GNG12: variants seen among roughly 807,000 people sequenced by gnomAD.
GNG12 encodes the protein guanine nucleotide-binding protein G(I)/G(S)/G(O) subunit gamma-12.
For missense variants in GNG12, 69 were observed against 83.8 expected (o/e 0.82, Z 0.69); for synonymous variants, 28 against 29.7 (o/e 0.94, Z 0.19).
chr1:67,729,917 A>G (rs909416027), intron 2 of GNG12, among the ~76,000 whole-genome samples: 7 of 152,164 alleles, frequency 4.6e-5, no homozygotes, highest in South Asian at 4.1e-4. Context: ...AAAATCAACA[A>G]CTGGTTGGTG....
At chr1:67,825,941 A>G (rs558675850) in intron 1 of GNG12, among the ~76,000 whole-genome samples, 1 of 152,364 alleles carries the variant, frequency 6.6e-6, no homozygotes, top group East Asian at 1.9e-4. Flanking sequence ...TGAATTGAAG[A>G]GAAAGAAACT....
chr1:67,749,934 G>A (rs1307127415), intron 2 of GNG12, among the ~76,000 whole-genome samples: 1 of 152,142 alleles, frequency 6.6e-6, no homozygotes, highest in African/African-American at 2.4e-5. Flanking sequence ...CCCATCTACA[G>A]ACTCTCCCAG....
At chr1:67,784,362 T>C (rs1438969137) in intron 1 of GNG12, among the ~76,000 whole-genome samples, 1 of 149,496 alleles carries the variant, frequency 6.7e-6, no homozygotes, top group Non-Finnish European at 1.5e-5. Flanking sequence ...ATATACCTAA[T>C]GCTAGATGAC....
chr1:67,757,258 G>C (rs1479093968), intron 2 of GNG12, among the ~76,000 whole-genome samples: 1 of 152,114 alleles, frequency 6.6e-6, no homozygotes, highest in African/African-American at 2.4e-5. Flanking sequence ...CAAAGCAAAG[G>C]TGTCAGACAG....
chr1:67,826,321 A>G lies in GNG12; in HGVS notation c.-77+7023T>C, dbSNP rs1647010223. Among the ~76,000 whole-genome samples, 5 of 152,222 alleles carry G rather than the reference A, an allele frequency of 3.3e-5. No homozygotes were observed. The South Asian group carries it at 1.0e-3, about 32-fold the overall frequency. On this transcript the variant is annotated intron_variant, in intron 1 of 3. Coordinates refer to ENST00000370982, the MANE Select transcript of GNG12 (RefSeq NM_018841.6). Reference sequence around the variant, plus strand: ...GTTCCCTTTTCTCCTAGCAGAGGCAATCCTACTCCAGGATGCATGTGGTTT... The same window carrying G: ...GTTCCCTTTTCTCCTAGCAGAGGCAGTCCTACTCCAGGATGCATGTGGTTT...
chr1:67,719,459 TTA>T, intron 2 of GNG12, among the ~76,000 whole-genome samples: 1 of 152,318 alleles, frequency 6.6e-6, no homozygotes, highest in South Asian at 2.1e-4. Context: ...GTGTGTGTGC[TTA>T]TGTTTTGCTT....
At chr1:67,753,457 A>G (rs992602946) in intron 2 of GNG12, among the ~76,000 whole-genome samples, 4 of 152,164 alleles carry the variant, frequency 2.6e-5, no homozygotes, top group African/African-American at 9.7e-5. Context: ...CCTACAGTGA[A>G]CATCACCCAT....
intron 2 of GNG12, among the ~76,000 whole-genome samples, chr1:67,728,702 C>T (rs922462993): frequency 1.3e-5 from 2 of 152,110 alleles, no homozygotes; most frequent in Non-Finnish European, 2.9e-5. Context: ...TGGGGACCAG[C>T]TTATGGGAGA....
At chr1:67,717,862 A>G (rs1331741727) in intron 2 of GNG12, among the ~76,000 whole-genome samples, 3 of 152,224 alleles carry the variant, frequency 2.0e-5, no homozygotes, top group Non-Finnish European at 4.4e-5. Context: ...ATAGCCAGAT[A>G]AATTCAAATC....
chr1:67,806,946 T>C (rs1646897232), intron 1 of GNG12, among the ~76,000 whole-genome samples: 1 of 152,148 alleles, frequency 6.6e-6, no homozygotes, highest in Non-Finnish European at 1.5e-5. Flanking sequence ...ATAATTGACT[T>C]CTATAGACTA....
At chr1:67,718,761 C>T (rs1023886266) in intron 2 of GNG12, among the ~76,000 whole-genome samples, 6 of 152,182 alleles carry the variant, frequency 3.9e-5, no homozygotes, top group African/African-American at 1.4e-4. Context: ...TATAGTACCC[C>T]TTTCAGTTTG....
intron 1 of GNG12, among the ~76,000 whole-genome samples, chr1:67,781,548 A>T (rs939385494): frequency 3.3e-5 from 5 of 152,154 alleles, no homozygotes; most frequent in Non-Finnish European, 5.9e-5. Flanking sequence ...TAAGTTCTAC[A>T]ATTTTTTTCA....
At chr1:67,831,714 C>T (rs1198528484) in intron 1 of GNG12, among the ~76,000 whole-genome samples, 1 of 152,088 alleles carries the variant, frequency 6.6e-6, no homozygotes. Flanking sequence ...TTTTTGATTA[C>T]TTTAAAAATT....
intron 1 of GNG12, among the ~76,000 whole-genome samples, chr1:67,818,725 T>C (rs1009548780): frequency 6.6e-6 from 1 of 152,008 alleles, no homozygotes; most frequent in African/African-American, 2.4e-5. Context: ...GAAAGAGAGA[T>C]CAAGAATAAT....
rs866901717 is a variant in GNG12 at position 67,803,673 on chromosome 1, C to T, written c.-76-26166G>A. ...ACAACAACCTTACGAAGTTATGTTC[C>T]CTTTTTAGAGATGCTTAGAAAATGT... is the stretch of plus-strand genomic sequence containing the variant. On this transcript the variant is annotated intron_variant, in intron 1 of 3. Coordinates refer to ENST00000370982, the MANE Select transcript of GNG12 (RefSeq NM_018841.6). 7.2e-5 allele frequency among the ~76,000 whole-genome samples: 11 copies of T among 152,270 alleles called. No individual in the cohort carries two copies. In the East Asian group the frequency reaches 1.5e-3, roughly 21 times the overall value.
intron 2 of GNG12, among the ~76,000 whole-genome samples, chr1:67,772,881 A>G (rs889823369): frequency 6.6e-6 from 1 of 152,242 alleles, no homozygotes; most frequent in Admixed American, 6.5e-5. Context: ...AGCTGTGAGA[A>G]TGACAGAAAC....
At chr1:67,706,547 G>C (rs1336451254) in intron 3 of GNG12, among the ~76,000 whole-genome samples, 1 of 152,140 alleles carries the variant, frequency 6.6e-6, no homozygotes, top group African/African-American at 2.4e-5. Context: ...GGGCAGCTGA[G>C]CCCTGTCTAG....
rs1553157329 is a variant in GNG12 at position 67,763,106 on chromosome 1, A to AGAGAGAGAGAGG, written c.-27+14351_-27+14352insCCTCTCTCTCTC. On this transcript the variant is annotated intron_variant, in intron 2 of 3. Transcript: ENST00000370982. ...ACCCTCCCAGGAGAGAGAGAGAGAG[A>AGAGAGAGAGAGG]GAGAGAGAGAGAGAATCAATATGAA... Among the ~76,000 whole-genome samples, 144 of 151,178 alleles carry AGAGAGAGAGAGG rather than the reference A, an allele frequency of 9.5e-4. 1 individual carries two copies. Among genetic ancestry groups the AGAGAGAGAGAGG allele is most frequent in the African/African-American group, 3.1e-3 (127 of 41,064 alleles).
intron 2 of GNG12, among the ~76,000 whole-genome samples, chr1:67,758,409 C>A (rs1320689506): frequency 6.6e-6 from 1 of 152,204 alleles, no homozygotes; most frequent in Non-Finnish European, 1.5e-5. Flanking sequence ...AGTATTTCGC[C>A]ATGACGATGA....
Sources: gnomAD v4.1 joint callset for allele counts (sites outside exome capture counted in the v4.1 genomes callset) on GRCh38, gnomAD v4.1.1 for gene constraint, MANE v1.5 for transcripts, NCBI Gene and HGNC (gene_info 2026-07-23, HGNC 2026-07-21) for gene names.